The following PACS1 variants were observed in gnomAD, a reference collection of about 807,000 sequenced individuals.
PACS1 encodes the protein phosphofurin acidic cluster sorting protein 1, also known as PACS-1.
A neutral mutation model predicts 115.0 loss-of-function variants in PACS1; 24 were observed. The observed-to-expected ratio is 0.21, with a 90% CI of 0.15 to 0.29. PACS1 has a LOEUF of 0.29. Ranked by LOEUF, PACS1 falls within the 10% of genes least tolerant of loss-of-function variation. PACS1 has a pLI of 1.00. For missense variants in PACS1, 838 were observed against 1,251.2 expected, an observed-to-expected ratio of 0.67 and a Z score of 4.98; for synonymous variants, 453 against 504.5, an observed-to-expected ratio of 0.90 and a Z score of 1.37.
chr11:66,110,975 G>A (rs1384791750), intron 1 of PACS1, among the ~76,000 whole-genome samples: 1 of 152,056 alleles, frequency 6.6e-6, no homozygotes, highest in Non-Finnish European at 1.5e-5. Flanking sequence ...TATTTATCTG[G>A]TATTATCCTG....
At chr11:66,217,480 C>T in intron 7 of PACS1, 1 of 449,262 alleles carries the variant, frequency 2.2e-6, no homozygotes, top group Non-Finnish European at 4.5e-6. Context: ...GCTCCATTTA[C>T]CCAGAGGCAT....
intron 7 of PACS1, chr11:66,219,544 G>A (rs1855292390): frequency 1.4e-6 from 1 of 691,136 alleles, no homozygotes; most frequent in East Asian, 2.8e-5. Context: ...TCTCCCCGCA[G>A]CTGCACCCAA....
chr11:66,098,906 C>T (rs1464151797), intron 1 of PACS1, among the ~76,000 whole-genome samples: 1 of 152,236 alleles, frequency 6.6e-6, no homozygotes, highest in East Asian at 1.9e-4. Context: ...CACATCACAT[C>T]AAGGGGCACA....
At position 66,070,909 on chromosome 11, in the gene PACS1, G is replaced by A; in HGVS notation, c.356+67G>A. Reference sequence around the variant, plus strand: ...TGGCCGCCGGGGCCCAGCCCTCCCCGCCCCAGCGCCCATGGGGTCCCCGCC... The same window carrying A: ...TGGCCGCCGGGGCCCAGCCCTCCCCACCCCAGCGCCCATGGGGTCCCCGCC... On this transcript the variant is annotated intron_variant, in intron 1 of 23. Transcript: ENST00000320580. The surrounding 1 kb of genome is among the most constrained non-coding windows in gnomAD (Gnocchi z 5.9). The A allele has an allele frequency of 7.6e-7, 1 of 1,312,638 alleles. No homozygotes were observed. Among genetic ancestry groups the A allele is most frequent in the Non-Finnish European group, 9.8e-7 (1 of 1,021,670 alleles). 81.3% of individuals were successfully genotyped at this position (1,312,638 alleles called of 1,614,324 possible).
chr11:66,132,640 A>G (rs1318145383), intron 1 of PACS1, among the ~76,000 whole-genome samples: 4 of 152,150 alleles, frequency 2.6e-5, no homozygotes, highest in African/African-American at 9.7e-5. Flanking sequence ...TATAGATGCA[A>G]CCAGCCTTTT....
At chr11:66,078,581 A>T (rs1361331101) in intron 1 of PACS1, among the ~76,000 whole-genome samples, 1 of 152,154 alleles carries the variant, frequency 6.6e-6, no homozygotes, top group Admixed American at 6.5e-5. Flanking sequence ...ATAGGCTCTC[A>T]CTCTGTTGCC....
At chr11:66,108,913 G>T (rs1405614181) in intron 1 of PACS1, among the ~76,000 whole-genome samples, 1 of 152,176 alleles carries the variant, frequency 6.6e-6, no homozygotes, top group East Asian at 1.9e-4. Context: ...GGGCTGCAAT[G>T]AGCTATGTTT....
chr11:66,180,840 G>A (rs1859994095), intron 1 of PACS1, among the ~76,000 whole-genome samples: 1 of 151,862 alleles, frequency 6.6e-6, no homozygotes, highest in African/African-American at 2.4e-5. Flanking sequence ...TTAATTTTTT[G>A]TAGAAATGTG....
intron 1 of PACS1, among the ~76,000 whole-genome samples, chr11:66,159,055 T>G (rs1859427667): frequency 6.6e-6 from 1 of 152,234 alleles, no homozygotes; most frequent in Non-Finnish European, 1.5e-5. Flanking sequence ...AATAGATGAA[T>G]GCCATCTAAA....
Position 66,233,124 on chromosome 11 carries a change from C to G in PACS1, c.1838+58C>G, listed in dbSNP as rs1855633694. The G allele has an allele frequency of 7.8e-7, 1 of 1,280,476 alleles. No individual in the cohort carries two copies. The highest frequency in any genetic ancestry group is 1.2e-5 in the South Asian group (1 of 83,208). The allele number at this position is 1,280,476 out of a possible 1,614,324, so 79.3% of individuals were successfully genotyped here. On this transcript the variant is annotated intron_variant, in intron 15 of 23. Transcript: ENST00000320580. This position sits in a 1 kb window ranked among gnomAD's most constrained non-coding sequence, Gnocchi z 4.5. ...AGAGATTCCCTCTGACCTCATCTTCCAACCCTGACTTCTAAGCAATGATAG... is the reference window on the plus strand; with the variant it reads ...AGAGATTCCCTCTGACCTCATCTTCGAACCCTGACTTCTAAGCAATGATAG...
At chr11:66,136,323 T>TCACACACACACACACACACACA (rs61577143) in intron 1 of PACS1, among the ~76,000 whole-genome samples, 59 of 145,912 alleles carry the variant, frequency 4.0e-4, no homozygotes, top group African/African-American at 8.8e-4. Context: ...AATCCCACTG[T>TCACACACACACACACACACACA]CACACACACA....
chr11:66,216,363 T>C, intron 5 of PACS1, 100 bp downstream of exon 5: 1 of 1,490,964 alleles, frequency 6.7e-7, no homozygotes, highest in Non-Finnish European at 9.2e-7. Flanking sequence ...AAGAGACCTT[T>C]AGAGACCCCT....
chr11:66,174,534 C>T (rs945734584), intron 1 of PACS1, among the ~76,000 whole-genome samples: 1 of 152,140 alleles, frequency 6.6e-6, no homozygotes, highest in Non-Finnish European at 1.5e-5. Context: ...TGTCCACCAA[C>T]TTGTAAATGG....
intron 1 of PACS1, among the ~76,000 whole-genome samples, chr11:66,139,126 A>G (rs1027811437): frequency 2.0e-5 from 3 of 152,148 alleles, no homozygotes; most frequent in African/African-American, 7.2e-5. Flanking sequence ...ACATCATGCT[A>G]CTGTTTACCT....
Position 66,232,153 on chromosome 11 carries a change from C to T in PACS1, c.1627-19C>T, listed in dbSNP as rs779042999. 15 of 1,558,188 alleles carry T rather than the reference C, an allele frequency of 9.6e-6. No homozygotes were observed. The South Asian group carries it at 1.7e-4, about 17-fold the overall frequency. On this transcript the variant is annotated intron_variant, in intron 13 of 23. Coordinates refer to ENST00000320580, the MANE Select transcript of PACS1 (RefSeq NM_018026.4). ...CCCAGGGACTCCCTAACAAGAGACACTTTCTTTTGTTCCTGCAGATTCCAA... is the reference window on the plus strand; with the variant it reads ...CCCAGGGACTCCCTAACAAGAGACATTTTCTTTTGTTCCTGCAGATTCCAA...
At chr11:66,234,344 C>T in intron 17 of PACS1, 102 bp downstream of exon 17, 2 of 787,450 alleles carry the variant, frequency 2.5e-6, no homozygotes, top group East Asian at 2.5e-5. Context: ...CTCCCTGCAG[C>T]TCTCACCTTC....
chr11:66,105,627 C>G (rs995065877), intron 1 of PACS1, among the ~76,000 whole-genome samples: 6 of 152,144 alleles, frequency 3.9e-5, no homozygotes, highest in African/African-American at 1.4e-4. Context: ...AATACTATTG[C>G]TTACTCATCT....
intron 1 of PACS1, among the ~76,000 whole-genome samples, chr11:66,161,529 G>A (rs970869458): frequency 4.6e-5 from 7 of 152,090 alleles, no homozygotes; most frequent in South Asian, 2.1e-4. Context: ...GAAGTAGAGC[G>A]GATGGAATCT....
intron 1 of PACS1, among the ~76,000 whole-genome samples, chr11:66,086,231 G>A (rs1312021752): frequency 1.4e-5 from 2 of 146,402 alleles, no homozygotes; most frequent in South Asian, 2.2e-4. Flanking sequence ...TCCGCCCCCC[G>A]GGGTTCACGC....
Sources: gnomAD v4.1 joint callset for allele counts (sites outside exome capture counted in the v4.1 genomes callset) on GRCh38, gnomAD v4.1.1 for gene constraint, Gnocchi (gnomAD v3.1) non-coding constraint, MANE v1.5 for transcripts, NCBI Gene and HGNC (gene_info 2026-07-23, HGNC 2026-07-21) for gene names.